The following SUMF1 variants were observed in gnomAD, a reference collection of about 807,000 sequenced individuals.
SUMF1 encodes the protein formylglycine-generating enzyme.
Under a neutral mutation model 47.6 loss-of-function variants are expected in SUMF1, and 48 were observed. The ratio of observed to expected loss-of-function variants is 1.01; its 90% CI spans 0.80 to 1.28. SUMF1 has a LOEUF of 1.28. Among genes scored for constraint, SUMF1 ranks in the 50% most tolerant of loss-of-function variants. The pLI, the probability that SUMF1 is intolerant of heterozygous loss-of-function variation, is 0.00. For missense variants in SUMF1, 571 were observed against 485.4 expected, an observed-to-expected ratio of 1.18 and a Z score of -1.66; for synonymous variants, 230 against 192.1, an observed-to-expected ratio of 1.20 and a Z score of -1.63.
chr3:4,132,197 C>A (rs1693808250), intron 8 of SUMF1, among the ~76,000 whole-genome samples: 1 of 152,132 alleles, frequency 6.6e-6, no homozygotes, highest in Non-Finnish European at 1.5e-5. Flanking sequence ...AAACTACCAT[C>A]CATGGACTCA....
chr3:4,421,721 G>T (rs1186885459), intron 3 of SUMF1, among the ~76,000 whole-genome samples: 1 of 152,174 alleles, frequency 6.6e-6, no homozygotes, highest in Non-Finnish European at 1.5e-5. Context: ...GGGCTCCAGT[G>T]ATCCCTGCCC....
intron 3 of SUMF1, among the ~76,000 whole-genome samples, chr3:4,448,979 G>T (rs1702876355): frequency 6.6e-6 from 1 of 152,186 alleles, no homozygotes; most frequent in South Asian, 2.1e-4. Context: ...ATGAAACTCG[G>T]AAGTGTCTGG....
intron 8 of SUMF1, among the ~76,000 whole-genome samples, chr3:4,366,767 G>A (rs1395043102): frequency 6.6e-6 from 1 of 150,508 alleles, no homozygotes; most frequent in Non-Finnish European, 1.5e-5. Flanking sequence ...GAGGAACTGC[G>A]TTCCTTTGGA....
chr3:4,396,950 G>A (rs1170022433), intron 7 of SUMF1, among the ~76,000 whole-genome samples: 3 of 152,200 alleles, frequency 2.0e-5, no homozygotes, highest in Non-Finnish European at 4.4e-5. Flanking sequence ...AAACACAGAA[G>A]AAGCAACTAT....
intron 7 of SUMF1, among the ~76,000 whole-genome samples, chr3:4,400,308 T>A (rs537188734): frequency 1.2e-4 from 19 of 152,274 alleles, no homozygotes; most frequent in African/African-American, 4.6e-4. Context: ...ATAAACAATC[T>A]TTTGATTGAA....
chr3:4,289,841 C>T (rs1016217806), intron 8 of SUMF1, among the ~76,000 whole-genome samples: 1 of 152,198 alleles, frequency 6.6e-6, no homozygotes, highest in Non-Finnish European at 1.5e-5. Flanking sequence ...TGAATAACTA[C>T]ATGAACAAAT....
intron 8 of SUMF1, among the ~76,000 whole-genome samples, chr3:4,193,953 G>A (rs1359875759): frequency 6.6e-6 from 1 of 152,022 alleles, no homozygotes; most frequent in East Asian, 1.9e-4. Context: ...TACTATTATT[G>A]GAATAGGCCA....
intron 8 of SUMF1, among the ~76,000 whole-genome samples, chr3:4,150,228 G>T (rs1694286926): frequency 6.8e-6 from 1 of 147,214 alleles, no homozygotes; most frequent in Admixed American, 6.6e-5. Context: ...CAAGTAGCTG[G>T]GACTGCAGGG....
intron 8 of SUMF1, among the ~76,000 whole-genome samples, chr3:4,129,071 G>A (rs1246833387): frequency 6.6e-6 from 1 of 152,120 alleles, no homozygotes; most frequent in Non-Finnish European, 1.5e-5. Flanking sequence ...CCAGCTGGGA[G>A]GATACAGAAG....
chr3:4,054,486 C>A (rs773712105), intron 9 of SUMF1, among the ~76,000 whole-genome samples: 1 of 152,182 alleles, frequency 6.6e-6, no homozygotes, highest in African/African-American at 2.4e-5. Context: ...AGTCTCCCAT[C>A]CTCTGAAACT....
chr3:4,352,578 A>G (rs928436038), intron 8 of SUMF1, among the ~76,000 whole-genome samples: 2 of 152,128 alleles, frequency 1.3e-5, no homozygotes, highest in Admixed American at 6.5e-5. Flanking sequence ...GGAGGCTGCA[A>G]TAGTCAGGGA....
chr3:4,406,426 C>T (rs1701378707), intron 7 of SUMF1, among the ~76,000 whole-genome samples: 1 of 152,036 alleles, frequency 6.6e-6, no homozygotes, highest in Admixed American at 6.6e-5. Flanking sequence ...GAGGCGGAGG[C>T]AGGTGGATCA....
chr3:4,264,660 G>A (rs1575034165), intron 8 of SUMF1, among the ~76,000 whole-genome samples: 1 of 152,122 alleles, frequency 6.6e-6, no homozygotes, highest in Non-Finnish European at 1.5e-5. Context: ...CATCAAGTCT[G>A]GGTGATAAAA....
chr3:4,275,496 C>G (rs1471936361), intron 8 of SUMF1, among the ~76,000 whole-genome samples: 1 of 152,128 alleles, frequency 6.6e-6, no homozygotes, highest in Non-Finnish European at 1.5e-5. Flanking sequence ...AAACCTTTCC[C>G]AGAACTCCCC....
chr3:4,338,946 C>T (rs1699211661), intron 8 of SUMF1, among the ~76,000 whole-genome samples: 1 of 152,134 alleles, frequency 6.6e-6, no homozygotes, highest in Non-Finnish European at 1.5e-5. Flanking sequence ...CTTTGCTCAC[C>T]AGAGCCTCGC....
chr3:4,213,672 T>A (rs897035362), intron 8 of SUMF1, among the ~76,000 whole-genome samples: 1 of 152,102 alleles, frequency 6.6e-6, no homozygotes, highest in African/African-American at 2.4e-5. Context: ...GCTCATCTCA[T>A]GTTCAAAGAC....
chr3:4,294,610 A>C (rs1256266981), intron 8 of SUMF1, among the ~76,000 whole-genome samples: 1 of 151,914 alleles, frequency 6.6e-6, no homozygotes, highest in Non-Finnish European at 1.5e-5. Context: ...ACAACAACAA[A>C]TGTTAATTTG....
intron 8 of SUMF1, among the ~76,000 whole-genome samples, chr3:4,196,080 A>T (rs149337906): frequency 1.3e-5 from 2 of 152,274 alleles, no homozygotes; most frequent in African/African-American, 4.8e-5. Context: ...TTTAGGCTAC[A>T]TGGAGCAGAA....
chr3:4,130,209 G>A (rs1693754128), intron 8 of SUMF1, among the ~76,000 whole-genome samples: 1 of 152,096 alleles, frequency 6.6e-6, no homozygotes, highest in Admixed American at 6.6e-5. Context: ...TAACCAACTG[G>A]CGACTCTGAT....
Sources: gnomAD v4.1 joint callset for allele counts (sites outside exome capture counted in the v4.1 genomes callset) on GRCh38, gnomAD v4.1.1 for gene constraint, MANE v1.5 for transcripts, NCBI Gene and HGNC (gene_info 2026-07-23, HGNC 2026-07-21) for gene names.